PKD1L3: variants seen among roughly 807,000 people sequenced by gnomAD.
PKD1L3 encodes the protein polycystin 1 like 3, transient receptor potential channel interacting, also known as polycystin-1-like protein 3.
A neutral mutation model predicts 184.1 loss-of-function variants in PKD1L3; 239 were observed. The observed-to-expected ratio is 1.30, with a 90% CI of 1.17 to 1.45. The LOEUF is 1.45. Among genes scored for constraint, PKD1L3 ranks in the 40% most tolerant of loss-of-function variants. The pLI, the probability that PKD1L3 is intolerant of heterozygous loss-of-function variation, is 0.00. For missense variants in PKD1L3, 2,660 were observed against 2,067.2 expected (o/e 1.29, Z -5.56); for synonymous variants, 996 against 778.8 (o/e 1.28, Z -4.64).
Position 71,930,384 on chromosome 16 carries a change from A to T in PKD1L3, c.4927-201T>A, listed in dbSNP as rs556224342. 4.1e-5 allele frequency: 18 copies of T among 434,176 alleles called. No homozygotes were observed. The South Asian group carries it at 1.8e-3, about 42-fold the overall frequency. The allele number at this position is 434,176 out of a possible 1,614,324, so 26.9% of individuals were successfully genotyped here. On this transcript the variant is annotated intron_variant, in intron 28 of 29. Transcript: ENST00000620267. ...GGAATGACTCATTTTAAGGAGGTTA[A>T]GATAATTGTGACTGCAGGGCTTTCA...
intron 15 of PKD1L3, 114 bp downstream of exon 15, chr16:71,967,023 G>C: frequency 8.5e-7 from 1 of 1,178,422 alleles, no homozygotes. Context: ...AAATCTAATA[G>C]TCATTTGTTA....
At chr16:71,983,171 G>C (rs2040225351) in intron 6 of PKD1L3, among the ~76,000 whole-genome samples, 1 of 152,164 alleles carries the variant, frequency 6.6e-6, no homozygotes, top group South Asian at 2.1e-4. Flanking sequence ...ATTTCAGACA[G>C]AGTGTGGCTC....
Position 71,998,305 on chromosome 16 carries a change from A to G in PKD1L3, c.385T>C (p.Cys129Arg), listed in dbSNP as rs767406985. ...FIRISSKGDKCLLKYYFICQT... is the reference protein window; with the variant it reads ...FIRISSKGDKRLLKYYFICQT... ...CAAATGAAATAGTATTTCAGTAAGC[A>G]CTTGTCCCCTTTGGATGAGATCCGA... Residue 129 changes from cysteine (C) to arginine (R), a missense_variant, in exon 2 of 30, where the codon TGC becomes CGC. Physicochemically the swap from Cys to Arg is radical, Grantham distance 180 (BLOSUM62 -3). Coordinates refer to ENST00000620267, the MANE Select transcript of PKD1L3 (RefSeq NM_181536.2). The G allele has an allele frequency of 6.4e-7, 1 of 1,552,276 alleles. No individual in the cohort carries two copies. Among genetic ancestry groups the G allele is most frequent in the Non-Finnish European group, 8.7e-7 (1 of 1,147,084 alleles).
In PKD1L3 at chr16:71,943,038, G is replaced by C; in HGVS notation, c.3860-14C>G. The stretch of plus-strand genomic sequence containing the variant: ...AGAGGATTTGTACTTGTTTAGAAGA[G>C]GAAAAAAATGTCATAGTTGAGTGGT... On this transcript the variant is annotated splice_polypyrimidine_tract_variant and intron_variant, in intron 23 of 29. Coordinates refer to ENST00000620267, the MANE Select transcript of PKD1L3 (RefSeq NM_181536.2). 1 of 1,507,888 alleles carries C rather than the reference G, an allele frequency of 6.6e-7. No individual in the cohort carries two copies. The highest frequency in any genetic ancestry group is 9.0e-7 in the Non-Finnish European group (1 of 1,116,792). 93.4% of individuals were successfully genotyped at this position (1,507,888 alleles called of 1,614,324 possible).
chr16:71,932,732 C>T (rs1031780641), intron 28 of PKD1L3, among the ~76,000 whole-genome samples: 2 of 144,168 alleles, frequency 1.4e-5, no homozygotes, highest in African/African-American at 2.5e-5. Flanking sequence ...CCGCTGGCTT[C>T]GGCTTCCCAA....
chr16:71,957,704 G>A (rs1390695472), intron 16 of PKD1L3, among the ~76,000 whole-genome samples: 1 of 152,156 alleles, frequency 6.6e-6, no homozygotes, highest in Non-Finnish European at 1.5e-5. Context: ...GGCTAAGGCA[G>A]GACAATTGCT....
chr16:71,998,482 A>G (rs2040866331), intron 1 of PKD1L3, 88 bp from the exon 2 acceptor site: 1 of 1,460,216 alleles, frequency 6.8e-7, no homozygotes, highest in Admixed American at 2.7e-5. Flanking sequence ...AGACAGTCCC[A>G]CTCAGTCACC....
At chr16:71,930,712 CT>C (rs1185304203) in intron 28 of PKD1L3, 3 of 151,948 alleles carry the variant, frequency 2.0e-5, no homozygotes, top group Non-Finnish European at 2.9e-5. Flanking sequence ...CCATTCTTTA[CT>C]TTTCTGCATA....
intron 12 of PKD1L3, among the ~76,000 whole-genome samples, chr16:71,970,988 C>T (rs1275974833): frequency 6.6e-6 from 1 of 152,190 alleles, no homozygotes; most frequent in Non-Finnish European, 1.5e-5. Context: ...GTCAGTTTCC[C>T]TCTCCAGAAT....
chr16:71,972,769 A>G (rs1033803877), intron 12 of PKD1L3, among the ~76,000 whole-genome samples: 3 of 152,190 alleles, frequency 2.0e-5, no homozygotes, highest in Non-Finnish European at 4.4e-5. Context: ...GCTGATTTGC[A>G]AGACCTTACA....
chr16:71,945,755 G>A (rs909788411), intron 22 of PKD1L3, among the ~76,000 whole-genome samples: 4 of 152,046 alleles, frequency 2.6e-5, no homozygotes, highest in Admixed American at 1.3e-4. Flanking sequence ...AGCACCATGG[G>A]ATCAGTGAAG....
At chr16:71,954,892 C>G (rs1307542427) in intron 16 of PKD1L3, among the ~76,000 whole-genome samples, 1 of 152,058 alleles carries the variant, frequency 6.6e-6, no homozygotes, top group Non-Finnish European at 1.5e-5. Context: ...TGTACAGTAA[C>G]TGAAACTAAA....
Position 71,951,575 on chromosome 16 carries a change from T to G in PKD1L3, c.3179A>C (p.His1060Pro). Residue 1060 changes from histidine (H) to proline (P), a missense_variant, in exon 19 of 30, where the codon CAC becomes CCC. Physicochemically the swap from His to Pro is moderately conservative, Grantham distance 77. Transcript: ENST00000620267. The stretch of plus-strand genomic sequence containing the variant: ...CTACTGAAGTTTACCACGTGCCCAG[T>G]GGCGCTCTCCCTGCTGATGACAGCC... ...GQGCHQQGER[H>P]WARVVPENHH... The G allele has an allele frequency of 6.4e-7, 1 of 1,550,510 alleles. No homozygotes were observed. Among genetic ancestry groups the G allele is most frequent in the South Asian group, 1.2e-5 (1 of 83,810 alleles).
chr16:71,992,401 A>G (rs908743999), intron 3 of PKD1L3, among the ~76,000 whole-genome samples: 1 of 152,256 alleles, frequency 6.6e-6, no homozygotes, highest in African/African-American at 2.4e-5. Context: ...GCCACATGTT[A>G]CGTAAGGTAA....
chr16:71,931,744 C>T (rs1422103420), intron 28 of PKD1L3, among the ~76,000 whole-genome samples: 1 of 152,022 alleles, frequency 6.6e-6, no homozygotes, highest in Non-Finnish European at 1.5e-5. Context: ...GGATTACAGG[C>T]GTGAGCTACT....
At chr16:71,939,476 A>C (rs1009591724) in intron 24 of PKD1L3, among the ~76,000 whole-genome samples, 1 of 152,210 alleles carries the variant, frequency 6.6e-6, no homozygotes, top group Non-Finnish European at 1.5e-5. Flanking sequence ...TAGAACTAAG[A>C]TGTACCCCTT....
In PKD1L3 at chr16:71,990,279, C is replaced by A; in HGVS notation, c.585+1G>T. 6.5e-7 allele frequency: 1 copy of A among 1,544,598 alleles called. No homozygotes were observed. Among genetic ancestry groups the A allele is most frequent in the Non-Finnish European group, 8.8e-7 (1 of 1,141,274 alleles). On this transcript the variant is annotated splice_donor_variant, in intron 4 of 29. Coordinates refer to ENST00000620267, the MANE Select transcript of PKD1L3 (RefSeq NM_181536.2). LOFTEE classifies it high-confidence loss of function. ...TGTATGTTGTCAAGGGAAGCACTTA[C>A]AAGATGAGCAGGAAGAGGATAGTGA... is the stretch of plus-strand genomic sequence containing the variant.
At chr16:71,977,677 A>G (rs763606191) in intron 10 of PKD1L3, among the ~76,000 whole-genome samples, 2 of 151,322 alleles carry the variant, frequency 1.3e-5, no homozygotes, top group African/African-American at 4.9e-5. Flanking sequence ...GATTATATGC[A>G]TGAGCCACTG....
intron 2 of PKD1L3, among the ~76,000 whole-genome samples, chr16:71,995,685 T>A (rs1452812590): frequency 6.6e-6 from 1 of 152,244 alleles, no homozygotes; most frequent in Non-Finnish European, 1.5e-5. Context: ...CACAGAGAGC[T>A]ACAATGAATA....
Sources: allele counts gnomAD v4.1 joint callset (sites outside exome capture counted in the v4.1 genomes callset), GRCh38; gene constraint gnomAD v4.1.1; transcripts MANE v1.5; gene names NCBI Gene and HGNC (gene_info 2026-07-23, HGNC 2026-07-21).